REDIC1: variants seen among roughly 807,000 people sequenced by gnomAD.
The protein encoded by REDIC1 is HEI10 Interacting Protein 1.
chr12:39,696,441 A>G, the REDIC1 span, among the ~76,000 whole-genome samples: 4 of 145,676 alleles, frequency 2.7e-5, no homozygotes, highest in South Asian at 2.2e-4. Flanking sequence ...TACTTGGGAG[A>G]CTGAGGCAGG....
the REDIC1 span, among the ~76,000 whole-genome samples, chr12:39,873,349 A>G: frequency 6.6e-6 from 1 of 152,226 alleles, no homozygotes; most frequent in Non-Finnish European, 1.5e-5. Flanking sequence ...GATGATAACA[A>G]TTATGAAAAC....
chr12:39,711,613 GTATGTGTATACACGTATGTGTA>G, the REDIC1 span, among the ~76,000 whole-genome samples: 56 of 97,706 alleles, frequency 5.7e-4, no homozygotes, highest in Middle Eastern at 8.1e-3. Flanking sequence ...ACATGCATGT[GTATGTGTATACACGTATGTGTA>G]TATGTGTATA....
At chr12:39,813,504 G>A in the REDIC1 span, among the ~76,000 whole-genome samples, 1 of 152,136 alleles carries the variant, frequency 6.6e-6, no homozygotes, top group Non-Finnish European at 1.5e-5. Context: ...ATTTCAGTAT[G>A]TATCTCTGCA....
the REDIC1 span, among the ~76,000 whole-genome samples, chr12:39,796,360 C>T: frequency 1.3e-5 from 2 of 149,694 alleles, no homozygotes; most frequent in Non-Finnish European, 3.0e-5. Flanking sequence ...TAGGCTGAAC[C>T]AGGAGGATCT....
the REDIC1 span, among the ~76,000 whole-genome samples, chr12:39,700,109 GAGA>G: frequency 6.6e-6 from 1 of 152,312 alleles, no homozygotes; most frequent in East Asian, 1.9e-4. Context: ...GACGAGCTGA[GAGA>G]AGAAGGCTTC....
the REDIC1 span, among the ~76,000 whole-genome samples, chr12:39,874,692 G>A: frequency 6.6e-6 from 1 of 151,908 alleles, no homozygotes; most frequent in East Asian, 1.9e-4. Context: ...CTGTTATGGA[G>A]GGGACTTGAA....
the REDIC1 span, chr12:39,756,859 AAAATT>A: frequency 4.6e-5 from 7 of 151,754 alleles, no homozygotes; most frequent in Non-Finnish European, 8.9e-5. Flanking sequence ...GTTCAGTGGT[AAAATT>A]AAATTATGAA....
At chr12:39,660,403 TCA>T in the REDIC1 span, among the ~76,000 whole-genome samples, 1 of 152,172 alleles carries the variant, frequency 6.6e-6, no homozygotes, top group Non-Finnish European at 1.5e-5. Flanking sequence ...CTAGGAACAA[TCA>T]CAGAGTTCTC....
At chr12:39,672,684 G>A in the REDIC1 span, among the ~76,000 whole-genome samples, 2 of 152,122 alleles carry the variant, frequency 1.3e-5, no homozygotes, top group African/African-American at 4.8e-5. Flanking sequence ...TTTCCCTAGT[G>A]TGCAGGACAC....
At chr12:39,664,010 G>A in the REDIC1 span, among the ~76,000 whole-genome samples, 1 of 150,768 alleles carries the variant, frequency 6.6e-6, no homozygotes, top group Non-Finnish European at 1.5e-5. Flanking sequence ...AAAATTCATT[G>A]TTAGTCTAAT....
the REDIC1 span, among the ~76,000 whole-genome samples, chr12:39,904,651 C>T: frequency 6.6e-6 from 1 of 152,114 alleles, no homozygotes; most frequent in African/African-American, 2.4e-5. Flanking sequence ...GCCTTCTTCT[C>T]ATGGAAGACA....
the REDIC1 span, among the ~76,000 whole-genome samples, chr12:39,698,855 G>T: frequency 6.6e-6 from 1 of 152,138 alleles, no homozygotes; most frequent in Admixed American, 6.5e-5. Context: ...TAAGAGGGAA[G>T]TTCGTAGCTC....
the REDIC1 span, among the ~76,000 whole-genome samples, chr12:39,803,104 T>C: frequency 6.6e-6 from 1 of 151,512 alleles, no homozygotes. Flanking sequence ...GGCTCCCACC[T>C]GAAGTACAGG....
chr12:39,655,709 C>T, the REDIC1 span, among the ~76,000 whole-genome samples: 3 of 152,154 alleles, frequency 2.0e-5, no homozygotes, highest in Non-Finnish European at 2.9e-5. Flanking sequence ...ACGGGGCTCT[C>T]CAACCTTGGT....
chr12:39,712,732 T>A, the REDIC1 span, among the ~76,000 whole-genome samples: 4 of 114,324 alleles, frequency 3.5e-5, no homozygotes, highest in East Asian at 4.1e-4. Context: ...CGTGTATATA[T>A]GTATATAGAC....
At chr12:39,901,830 T>TC in the REDIC1 span, among the ~76,000 whole-genome samples, 2 of 146,624 alleles carry the variant, frequency 1.4e-5, no homozygotes, top group African/African-American at 2.5e-5. Context: ...GACCCAGCCA[T>TC]CCCATTACTG....
chr12:39,703,404 A>T, the REDIC1 span, among the ~76,000 whole-genome samples: 2 of 149,858 alleles, frequency 1.3e-5, no homozygotes, highest in African/African-American at 4.9e-5. Context: ...TTCAAGGTGA[A>T]CTACAAACCA....
At chr12:39,708,110 G>T in the REDIC1 span, among the ~76,000 whole-genome samples, 13 of 151,748 alleles carry the variant, frequency 8.6e-5, no homozygotes, top group Middle Eastern at 6.8e-3. Flanking sequence ...GCACAACAGG[G>T]TAGCTATAGT....
At chr12:39,793,528 G>T in the REDIC1 span, among the ~76,000 whole-genome samples, 44 of 152,138 alleles carry the variant, frequency 2.9e-4, no homozygotes, top group Non-Finnish European at 5.7e-4. Context: ...CCTCCTGAGT[G>T]GGGGTACTTG....
Sources: allele counts gnomAD v4.1 joint callset (sites outside exome capture counted in the v4.1 genomes callset), GRCh38; gene constraint gnomAD v4.1.1; transcripts MANE v1.5; gene names NCBI Gene and HGNC (gene_info 2026-07-23, HGNC 2026-07-21).